The following DDAH1 variants were observed in gnomAD, a reference collection of about 807,000 sequenced individuals.
DDAH1 encodes the protein N(G),N(G)-dimethylarginine dimethylaminohydrolase 1.
DDAH1 carries 19 observed loss-of-function variants against 28.8 expected under a neutral mutation model. The observed-to-expected ratio is 0.66, with a 90% confidence interval of 0.46 to 0.97. The LOEUF (loss-of-function observed/expected upper bound fraction) is 0.97, where lower values mean the gene tolerates loss of function less well. Among genes scored for constraint, DDAH1 ranks in the 50% least tolerant of loss-of-function variants. DDAH1 has a pLI of 0.00. For missense variants in DDAH1, 326 were observed against 375.9 expected (o/e 0.87, Z 1.10); for synonymous variants, 153 against 154.4 (o/e 0.99, Z 0.07).
intron 4 of DDAH1, among the ~76,000 whole-genome samples, chr1:85,345,039 A>ACTTT (rs1648757752): frequency 1.3e-5 from 2 of 152,220 alleles, no homozygotes; most frequent in African/African-American, 2.4e-5. Flanking sequence ...AAAAAATTAA[A>ACTTT]GTATACAAAG....
intron 1 of DDAH1, among the ~76,000 whole-genome samples, chr1:85,554,210 A>T (rs1658891151): frequency 6.6e-6 from 1 of 151,984 alleles, no homozygotes; most frequent in Non-Finnish European, 1.5e-5. Context: ...TTCATGCCTG[A>T]AAGAGAGGCC....
intron 1 of DDAH1, among the ~76,000 whole-genome samples, chr1:85,538,613 C>T (rs1229075920): frequency 7.3e-6 from 1 of 136,328 alleles, no homozygotes; most frequent in Non-Finnish European, 1.7e-5. Context: ...CCCAAAAGTT[C>T]ACAGGCAAGA....
chr1:85,367,609 C>T (rs1650143153), intron 1 of DDAH1, among the ~76,000 whole-genome samples: 2 of 152,196 alleles, frequency 1.3e-5, no homozygotes, highest in African/African-American at 2.4e-5. Flanking sequence ...TAAGGTACCT[C>T]CCAGTCTAAA....
At chr1:85,484,206 C>T (rs1276599716) in intron 2 of DDAH1, among the ~76,000 whole-genome samples, 1 of 151,886 alleles carries the variant, frequency 6.6e-6, no homozygotes, top group African/African-American at 2.4e-5. Flanking sequence ...AACTGTAAAA[C>T]TGCTGAGTTT....
At chr1:85,412,395 C>G (rs930563538) in intron 1 of DDAH1, among the ~76,000 whole-genome samples, 1 of 152,172 alleles carries the variant, frequency 6.6e-6, no homozygotes, top group Non-Finnish European at 1.5e-5. Context: ...CATGGCAAAC[C>G]ACAATGACCC....
At chr1:85,457,619 G>A (rs903964735) in intron 1 of DDAH1, among the ~76,000 whole-genome samples, 3 of 152,136 alleles carry the variant, frequency 2.0e-5, no homozygotes, top group African/African-American at 4.8e-5. Context: ...ACGCAATCAT[G>A]GCACTCATAA....
At chr1:85,556,079 G>GCCT (rs1342845650) in intron 1 of DDAH1, among the ~76,000 whole-genome samples, 1 of 110,184 alleles carries the variant, frequency 9.1e-6, no homozygotes, top group African/African-American at 3.3e-5. Context: ...CACCGCCGCC[G>GCCT]CCTCCTCCTC....
chr1:85,527,458 G>A (rs1378400053), intron 1 of DDAH1, among the ~76,000 whole-genome samples: 2 of 152,224 alleles, frequency 1.3e-5, no homozygotes, highest in Non-Finnish European at 2.9e-5. Flanking sequence ...TATGGTTCAT[G>A]ATGAAGAATG....
chr1:85,476,674 T>G (rs1261334568), intron 2 of DDAH1, among the ~76,000 whole-genome samples: 2 of 152,184 alleles, frequency 1.3e-5, no homozygotes, highest in African/African-American at 2.4e-5. Flanking sequence ...TCTGCTATCC[T>G]GTACTGGTCA....
At chr1:85,481,096 T>TG in intron 2 of DDAH1, among the ~76,000 whole-genome samples, 1 of 103,520 alleles carries the variant, frequency 9.7e-6, no homozygotes, top group Non-Finnish European at 1.8e-5. Flanking sequence ...TTTGGGTTTT[T>TG]TGTTTTTTTT....
At chr1:85,408,156 A>G (rs554234160) in intron 1 of DDAH1, among the ~76,000 whole-genome samples, 2 of 152,362 alleles carry the variant, frequency 1.3e-5, no homozygotes, top group Admixed American at 6.5e-5. Context: ...GTGGTGAACA[A>G]AGATATACTT....
intron 1 of DDAH1, among the ~76,000 whole-genome samples, chr1:85,452,674 G>A (rs35761966): frequency 0.16 from 24,284 of 152,178 alleles, 2,353 homozygotes; most frequent in Middle Eastern, 0.24. Context: ...CCTAAAAAAG[G>A]AAGGTAAAGA....
At chr1:85,466,165 C>A (rs761538683), upstream of DDAH1, among the ~76,000 whole-genome samples, 3 of 152,242 alleles carry the variant, frequency 2.0e-5, no homozygotes, top group Non-Finnish European at 4.4e-5. Context: ...TGTGATCTGC[C>A]TTCTCTCCCC....
chr1:85,494,780 C>T (rs1045174623), intron 2 of DDAH1: 1 of 152,360 alleles, frequency 6.6e-6, no homozygotes, highest in Admixed American at 6.5e-5. Flanking sequence ...GAAACAAGCA[C>T]AGAGGAGGAA....
upstream of DDAH1, among the ~76,000 whole-genome samples, chr1:85,468,350 G>A (rs1381329631): frequency 6.6e-6 from 1 of 152,126 alleles, no homozygotes; most frequent in Admixed American, 6.5e-5. Context: ...CAGTTCTCAT[G>A]CTGTTAATAA....
intron 2 of DDAH1, among the ~76,000 whole-genome samples, chr1:85,484,499 G>C (rs542254500): frequency 4.1e-4 from 63 of 152,122 alleles, no homozygotes; most frequent in African/African-American, 1.5e-3. Context: ...CTAGAACAAA[G>C]GTTAAATTCT....
chr1:85,474,144 T>A (rs61785160), intron 2 of DDAH1, among the ~76,000 whole-genome samples: 16,014 of 152,278 alleles, frequency 0.11, 956 homozygotes, highest in African/African-American at 0.16. Flanking sequence ...TCAATCACCA[T>A]GTTTTGACCA....
chr1:85,472,983 T>G (rs1557669763), intron 2 of DDAH1, among the ~76,000 whole-genome samples: 1 of 152,240 alleles, frequency 6.6e-6, no homozygotes. Flanking sequence ...GTATTTGATT[T>G]TCTGTTTCTG....
At chr1:85,528,211 T>C (rs1279017849) in intron 1 of DDAH1, among the ~76,000 whole-genome samples, 1 of 147,762 alleles carries the variant, frequency 6.8e-6, no homozygotes, top group Non-Finnish European at 1.5e-5. Flanking sequence ...TGCATGTATA[T>C]GTGTGTAAAT....
Sources: allele counts gnomAD v4.1 joint callset (sites outside exome capture counted in the v4.1 genomes callset), GRCh38; gene constraint gnomAD v4.1.1; transcripts MANE v1.5; gene names NCBI Gene and HGNC (gene_info 2026-07-23, HGNC 2026-07-21).